Variants in PPP2R5A observed in about 807,000 individuals in gnomAD.
The protein encoded by PPP2R5A is serine/threonine-protein phosphatase 2A 56 kDa regulatory subunit alpha isoform.
Under a neutral mutation model 64.2 loss-of-function variants are expected in PPP2R5A, and 25 were observed. The ratio of observed to expected loss-of-function variants is 0.39; its 90% CI spans 0.28 to 0.54. PPP2R5A has a LOEUF of 0.54. Ranked by LOEUF, PPP2R5A falls within the 20% of genes least tolerant of loss-of-function variation. PPP2R5A has a pLI of 0.67. For missense variants in PPP2R5A, 425 were observed against 576.3 expected, an observed-to-expected ratio of 0.74 and a Z score of 2.69; for synonymous variants, 198 against 201.2, an observed-to-expected ratio of 0.98 and a Z score of 0.13.
intron 1 of PPP2R5A, among the ~76,000 whole-genome samples, chr1:212,289,087 C>A (rs1355000071): frequency 1.3e-5 from 2 of 152,142 alleles, no homozygotes; most frequent in Non-Finnish European, 2.9e-5. Flanking sequence ...TGTTAAAAGG[C>A]TTTTCAGTCT....
chr1:212,329,089 C>A (rs972752411), intron 1 of PPP2R5A, 46 bp from the exon 2 acceptor site: 4 of 1,313,124 alleles, frequency 3.0e-6, no homozygotes, highest in Non-Finnish European at 4.0e-6. Context: ...ATAAAAGTAA[C>A]TTCTGAGTAG....
At chr1:212,348,366 C>G (rs754989723) in intron 6 of PPP2R5A, 23 bp from the exon 7 acceptor site, 5 of 1,471,896 alleles carry the variant, frequency 3.4e-6, no homozygotes, top group Middle Eastern at 1.7e-4. Context: ...CTTAACCCTT[C>G]CCCTGCCTTT....
chr1:212,302,222 T>A, intron 1 of PPP2R5A: 1 of 830,598 alleles, frequency 1.2e-6, no homozygotes, highest in Non-Finnish European at 1.8e-6. Flanking sequence ...AGGGGAAAAC[T>A]ACAAATTATC....
At chr1:212,337,396 AG>A (rs1659608706) in intron 3 of PPP2R5A, among the ~76,000 whole-genome samples, 1 of 152,154 alleles carries the variant, frequency 6.6e-6, no homozygotes, top group African/African-American at 2.4e-5. Context: ...GATAGTGCCT[AG>A]AACATAGACC....
Position 212,286,129 on chromosome 1 carries a change from C to CCGG in PPP2R5A, c.23_25dup (p.Ala8dup). On this transcript the variant is annotated inframe_insertion, in exon 1 of 13. Transcript: ENST00000261461. ...CGCGGAGATGTCGTCGTCGTCGCCG[C>CCGG]CGGCGGGGGCTGCCAGCGCCGCCAT... is the stretch of plus-strand genomic sequence containing the variant. 1 of 1,581,194 alleles carries CCGG rather than the reference C, an allele frequency of 6.3e-7. No homozygotes were observed. Among genetic ancestry groups the CCGG allele is most frequent in the Non-Finnish European group, 8.6e-7 (1 of 1,166,704 alleles).
intron 8 of PPP2R5A, among the ~76,000 whole-genome samples, chr1:212,355,312 A>G (rs1167938213): frequency 6.6e-6 from 1 of 152,094 alleles, no homozygotes; most frequent in East Asian, 1.9e-4. Flanking sequence ...GGGATATATA[A>G]ATATACAGTT....
chr1:212,295,407 G>A (rs896625463), intron 1 of PPP2R5A, among the ~76,000 whole-genome samples: 18 of 152,212 alleles, frequency 1.2e-4, no homozygotes, highest in African/African-American at 2.4e-4. Context: ...AGGTCGAAGT[G>A]TCCATGGGAA....
chr1:212,313,521 T>G (rs1659078926), intron 1 of PPP2R5A, among the ~76,000 whole-genome samples: 1 of 152,178 alleles, frequency 6.6e-6, no homozygotes, highest in Non-Finnish European at 1.5e-5. Flanking sequence ...TTTGTAGGTG[T>G]TCTTTTGTAC....
chr1:212,286,335 G>A, intron 1 of PPP2R5A, 44 bp downstream of exon 1: 1 of 1,422,010 alleles, frequency 7.0e-7, no homozygotes. Flanking sequence ...GCAGGGGCTG[G>A]CAACGCTTGC....
chr1:212,315,842 G>A lies in PPP2R5A; in HGVS notation c.182-13293G>A, dbSNP rs114417498. ...CCCATTTTTCCAATAGCATGTGCTC[G>A]CTTTGTGTCTCTGTGTCACATTTTG... On this transcript the variant is annotated intron_variant, in intron 1 of 12. Coordinates refer to ENST00000261461, the MANE Select transcript of PPP2R5A (RefSeq NM_006243.4). Among the ~76,000 whole-genome samples the A allele has an allele frequency of 3.0e-3, 451 of 152,084 alleles. 3 individuals are homozygous for A. The highest frequency in any genetic ancestry group is 1.0e-2 in the African/African-American group (414 of 41,464).
At chr1:212,298,866 GC>G (rs1658744239) in intron 1 of PPP2R5A, among the ~76,000 whole-genome samples, 1 of 41,268 alleles carries the variant, frequency 2.4e-5, no homozygotes. Flanking sequence ...GGGGCGGCTG[GC>G]CAGGCGGGGG....
chr1:212,322,177 GGAAAGAGA>G (rs1402874426), intron 1 of PPP2R5A, among the ~76,000 whole-genome samples: 1 of 150,640 alleles, frequency 6.6e-6, no homozygotes, highest in East Asian at 2.0e-4. Flanking sequence ...GGGAGACCGT[GGAAAGAGA>G]GGGAGAGGGA....
At chr1:212,360,016 C>T (rs973313170) in intron 12 of PPP2R5A, among the ~76,000 whole-genome samples, 2 of 152,116 alleles carry the variant, frequency 1.3e-5, no homozygotes, top group Non-Finnish European at 2.9e-5. Flanking sequence ...GTTCATGGAG[C>T]CTTTCAGAAT....
chr1:212,356,849 C>A, intron 9 of PPP2R5A, 101 bp from the exon 10 acceptor site: 1 of 1,281,758 alleles, frequency 7.8e-7, no homozygotes, highest in South Asian at 1.6e-5. Flanking sequence ...CATTTTTTTG[C>A]TTATTGTATA....
chr1:212,355,856 AGG>A (rs942079665), intron 8 of PPP2R5A, among the ~76,000 whole-genome samples: 1 of 152,134 alleles, frequency 6.6e-6, no homozygotes, highest in Non-Finnish European at 1.5e-5. Flanking sequence ...TCACAAGGTC[AGG>A]AGCTTAAGAC....
intron 1 of PPP2R5A, among the ~76,000 whole-genome samples, chr1:212,301,361 A>G (rs1245335911): frequency 2.0e-5 from 3 of 152,194 alleles, no homozygotes; most frequent in Non-Finnish European, 2.9e-5. Flanking sequence ...ATATACTTAC[A>G]TTTGAATGGT....
intron 1 of PPP2R5A, among the ~76,000 whole-genome samples, chr1:212,322,053 C>T (rs1002513270): frequency 6.6e-6 from 1 of 151,420 alleles, no homozygotes; most frequent in African/African-American, 2.4e-5. Context: ...TCAGGCGTGG[C>T]GGCGCGCGCC....
At chr1:212,345,714 G>T in intron 4 of PPP2R5A, 89 bp from the exon 5 acceptor site, 1 of 1,406,530 alleles carries the variant, frequency 7.1e-7, no homozygotes, top group Non-Finnish European at 9.6e-7. Flanking sequence ...ATTTTTAAAA[G>T]ATGTCATGGA....
intron 3 of PPP2R5A, among the ~76,000 whole-genome samples, chr1:212,337,762 T>G (rs1194360703): frequency 6.6e-6 from 1 of 152,138 alleles, no homozygotes; most frequent in Non-Finnish European, 1.5e-5. Context: ...ATTTAAACTA[T>G]TCAAGGTTTA....
Sources: allele counts gnomAD v4.1 joint callset (sites outside exome capture counted in the v4.1 genomes callset), GRCh38; gene constraint gnomAD v4.1.1; transcripts MANE v1.5; gene names NCBI Gene and HGNC (gene_info 2026-07-23, HGNC 2026-07-21).